Variants in EEF1D observed in about 807,000 individuals in gnomAD.
EEF1D encodes eukaryotic translation elongation factor 1 delta, also known as elongation factor 1-delta.
Under a neutral mutation model 63.9 loss-of-function variants are expected in EEF1D, and 47 were observed. The ratio of observed to expected loss-of-function variants is 0.74; its 90% CI spans 0.58 to 0.94. The LOEUF is 0.94. Ranked by LOEUF, EEF1D falls within the 40% of genes least tolerant of loss-of-function variation. The probability of loss-of-function intolerance (pLI) is 0.00; values close to 1 mark genes in which losing one functional copy is unlikely to be tolerated. For synonymous variants in EEF1D, 412 were observed against 386.1 expected (o/e 1.07, Z -0.79); for missense variants, 907 against 899.0 (o/e 1.01, Z -0.11).
intron 5 of EEF1D, 43 bp from the exon 6 acceptor site, chr8:143,581,371 C>T: frequency 1.3e-6 from 2 of 1,560,994 alleles, no homozygotes; most frequent in Non-Finnish European, 1.7e-6. Flanking sequence ...CCAGCCTGCT[C>T]CTAGGGTCCC....
chr8:143,581,338 A>G lies in EEF1D; in HGVS notation c.1288-10T>C, dbSNP rs372677188. 264 of 1,608,648 alleles carry G rather than the reference A, an allele frequency of 1.6e-4. 2 individuals are homozygous for G. In the Middle Eastern group the frequency reaches 2.7e-3, roughly 16 times the overall value. On this transcript the variant is annotated splice_polypyrimidine_tract_variant and intron_variant, in intron 5 of 9. Coordinates refer to ENST00000618139, the MANE Select transcript of EEF1D (RefSeq NM_001130053.5). ...CCCCGGGGCCTGAGCTCTGCAAGGC[A>G]GGAGGAGGGGAGGGCTCAGTGCCCA...
At chr8:143,587,386 G>C (rs1826892303) in intron 3 of EEF1D, 1 of 152,310 alleles carries the variant, frequency 6.6e-6, no homozygotes, top group Non-Finnish European at 1.5e-5. Context: ...GCTGGAATCA[G>C]CGGCGCGATC....
intron 5 of EEF1D, chr8:143,583,387 C>T (rs541652216): frequency 6.6e-6 from 1 of 152,468 alleles, no homozygotes; most frequent in African/African-American, 2.4e-5. Context: ...CCAGAGACAC[C>T]TTAGGGTTGA....
intron 5 of EEF1D, chr8:143,583,713 A>AGAC (rs1278765359): frequency 7.3e-6 from 1 of 137,802 alleles, no homozygotes; most frequent in East Asian, 2.0e-4. Flanking sequence ...TGGCTGTGGC[A>AGAC]GACAGAACAA....
chr8:143,580,449 G>C (rs1425872515), intron 8 of EEF1D, 57 bp downstream of exon 8: 67 of 1,572,118 alleles, frequency 4.3e-5, no homozygotes, highest in Non-Finnish European at 5.6e-5. Flanking sequence ...GGCTGAGCCG[G>C]CTAGGCGGGC....
In EEF1D at chr8:143,589,617, G is replaced by A. The variant is rs150876508; in HGVS notation, c.465C>T (p.Ala155=). The change falls in exon 3 of 10, where the codon GCC becomes GCT. Residue 155 remains alanine (A), a synonymous_variant. Coordinates refer to ENST00000618139, the MANE Select transcript of EEF1D (RefSeq NM_001130053.5). ...WGLCTHGNQV[A]CHHVTWGIWV... ...AGATCCCCCAGGTCACGTGGTGGCAGGCCACCTGGTTTCCATGGGTGCAGA... is the reference window on the plus strand; with the variant it reads ...AGATCCCCCAGGTCACGTGGTGGCAAGCCACCTGGTTTCCATGGGTGCAGA... 2.0e-3 allele frequency: 3,065 copies of A among 1,534,186 alleles called. 3 individuals are homozygous for A. Among genetic ancestry groups the A allele is most frequent in the Non-Finnish European group, 2.4e-3 (2,741 of 1,139,530 alleles).
At chr8:143,585,262 G>A (rs62523607) in intron 5 of EEF1D, among the ~76,000 whole-genome samples, 10,119 of 152,256 alleles carry the variant, frequency 0.066, 368 homozygotes, top group South Asian at 0.15. Context: ...AACCACGTAA[G>A]TGACAGAGCG....
chr8:143,592,135 G>A, intron 2 of EEF1D: 2 of 985,524 alleles, frequency 2.0e-6, no homozygotes, highest in Non-Finnish European at 2.4e-6. Context: ...GTTGGGGGTG[G>A]GGTGGGAGCA....
intron 4 of EEF1D, 42 bp downstream of exon 4, chr8:143,586,687 C>T (rs370317560): frequency 1.9e-5 from 31 of 1,602,430 alleles, no homozygotes; most frequent in African/African-American, 2.7e-5. Context: ...CCACTCCTGT[C>T]GGGCAGCAGA....
chr8:143,580,558 G>A lies in EEF1D; in HGVS notation c.1658C>T (p.Ala553Val). The A allele has an allele frequency of 1.9e-6, 3 of 1,613,218 alleles. No homozygotes were observed. Among genetic ancestry groups the A allele is most frequent in the Non-Finnish European group, 2.5e-6 (3 of 1,179,866 alleles). ...CTTGGCCACCAGTGCAGGCTTCTTGGCCTTCTTCTCCGCGTACTGCCGTAG... is the reference window on the plus strand; with the variant it reads ...CTTGGCCACCAGTGCAGGCTTCTTGACCTTCTTCTCCGCGTACTGCCGTAG... ...ERLRQYAEKK[A>V]KKPALVAKSS... is the part of the protein sequence containing the mutation. Residue 553 changes from alanine (A) to valine (V), a missense_variant, in exon 8 of 10, where the codon GCC becomes GTC. Coordinates refer to ENST00000618139, the MANE Select transcript of EEF1D (RefSeq NM_001130053.5).
Position 143,581,163 on chromosome 8 carries a change from G to C in EEF1D, c.1388-9C>G, listed in dbSNP as rs201898291. 247 of 1,612,794 alleles carry C rather than the reference G, an allele frequency of 1.5e-4. No individual in the cohort carries two copies. The highest frequency in any genetic ancestry group is 2.0e-4 in the Non-Finnish European group (236 of 1,179,944). ...CTGCAGCTCCTGTACCACTGGGGGG[G>C]CAAGGGGAGCACGGTTAGATGGCAG... is the stretch of plus-strand genomic sequence containing the variant. On this transcript the variant is annotated splice_polypyrimidine_tract_variant and intron_variant, in intron 6 of 9. Transcript: ENST00000618139.
intron 5 of EEF1D, chr8:143,583,212 T>C (rs948626023): frequency 6.6e-6 from 1 of 152,248 alleles, no homozygotes; most frequent in Non-Finnish European, 1.5e-5. Context: ...GTCTACATGC[T>C]GAGAGAGGCC....
At chr8:143,582,865 A>G (rs1396040504) in intron 5 of EEF1D, 1 of 152,218 alleles carries the variant, frequency 6.6e-6, no homozygotes, top group Non-Finnish European at 1.5e-5. Context: ...AAAGGCAAAC[A>G]CTTCAGAGCC....
intron 1 of EEF1D, among the ~76,000 whole-genome samples, chr8:143,593,281 T>C (rs1235552105): frequency 6.6e-6 from 1 of 152,108 alleles, no homozygotes; most frequent in East Asian, 1.9e-4. Context: ...TCTCCCACAA[T>C]GTGCACACAA....
intron 5 of EEF1D, chr8:143,582,708 G>A (rs944533918): frequency 1.3e-5 from 2 of 149,342 alleles, no homozygotes; most frequent in Non-Finnish European, 3.0e-5. Flanking sequence ...AGGACACAGG[G>A]AGAGTCCCCT....
At position 143,589,472 on chromosome 8, in the gene EEF1D, C is replaced by T; in HGVS notation, c.610G>A (p.Ala204Thr). The T allele has an allele frequency of 6.5e-7, 1 of 1,529,906 alleles. No individual in the cohort carries two copies. The highest frequency in any genetic ancestry group is 2.0e-5 in the Admixed American group (1 of 49,528). The allele number at this position is 1,529,906 out of a possible 1,614,324, so 94.8% of individuals were successfully genotyped here. A position where few individuals can be genotyped will look rare whatever the true frequency, so the allele number is the denominator to read the frequency against. Reference protein sequence around the residue: ...QGTPNTGQQVAVPDLAHQPSP... With the variant: ...QGTPNTGQQVTVPDLAHQPSP... ...GGCTGGTGGGCCAGGTCGGGGACGG[C>T]CACCTGCTGGCCTGTGTTGGGAGTC... Residue 204 changes from alanine to threonine, a missense_variant, in exon 3 of 10, where the codon GCC becomes ACC. Ala to Thr is a moderately conservative substitution (Grantham distance 58). Transcript: ENST00000618139.
chr8:143,581,244 G>A lies in EEF1D; in HGVS notation c.1372C>T (p.Gln458Ter), dbSNP rs781339017. Residue 458 changes from glutamine (Q) to a stop codon, truncating the protein, a stop_gained, in exon 6 of 10, where the codon CAG becomes TAG. Transcript: ENST00000618139. LOFTEE classifies it high-confidence loss of function. ...VRIASLEVEN[Q>*]SLRGVVQELQ... ...GGGGCCTCACCGCCACGCAGACTCT[G>A]GTTCTCCACTTCCAGACTGGCAATC... is the stretch of plus-strand genomic sequence containing the variant. The A allele has an allele frequency of 6.2e-7, 1 of 1,612,638 alleles. No homozygotes were observed. Among genetic ancestry groups the A allele is most frequent in the Non-Finnish European group, 8.5e-7 (1 of 1,179,978 alleles).
At chr8:143,596,417 C>G (rs111867744) in intron 1 of EEF1D, 1 of 152,324 alleles carries the variant, frequency 6.6e-6, no homozygotes, top group Non-Finnish European at 1.5e-5. Flanking sequence ...GCATCCCCCA[C>G]CCCCAGAACG....
chr8:143,592,037 C>T (rs772470974), intron 2 of EEF1D: 61 of 985,270 alleles, frequency 6.2e-5, no homozygotes, highest in South Asian at 1.4e-4. Flanking sequence ...CCCATGAAGA[C>T]GCTCCCTAGG....
Sources: allele counts gnomAD v4.1 joint callset (sites outside exome capture counted in the v4.1 genomes callset), GRCh38; gene constraint gnomAD v4.1.1; transcripts MANE v1.5; gene names NCBI Gene and HGNC (gene_info 2026-07-23, HGNC 2026-07-21).